Variants in MRAP2 observed in about 807,000 individuals in gnomAD.
The protein encoded by MRAP2 is melanocortin-2 receptor accessory protein 2.
MRAP2 carries 20 observed loss-of-function variants against 17.4 expected under a neutral mutation model. That is an observed-to-expected ratio of 1.15 (90% CI 0.81 to 1.67). MRAP2 has a LOEUF of 1.67. Among genes scored for constraint, MRAP2 ranks in the 40% most tolerant of loss-of-function variants. The probability of loss-of-function intolerance (pLI) is 0.00; values close to 1 mark genes in which losing one functional copy is unlikely to be tolerated. For missense variants in MRAP2, 238 were observed against 240.0 expected (o/e 0.99, Z 0.05); for synonymous variants, 96 against 88.4 (o/e 1.09, Z -0.48).
At chr6:84,080,552 C>G (rs6934500) in intron 3 of MRAP2, among the ~76,000 whole-genome samples, 18,624 of 152,100 alleles carry the variant, frequency 0.12, 1,225 homozygotes, top group Middle Eastern at 0.22. Flanking sequence ...GTGTCAAAAG[C>G]CTTTTAGCCA....
In MRAP2 at chr6:84,089,084, T is replaced by A. The variant is rs2099501186; in HGVS notation, c.228-7T>A. ...TAAGCAGTCTTTTATTTTCTTTTTT[T>A]AAATAGCAATGCAGAGTCCTCAGAG... is the stretch of plus-strand genomic sequence containing the variant. On this transcript the variant is annotated splice_region_variant and splice_polypyrimidine_tract_variant and intron_variant, in intron 3 of 3. Transcript: ENST00000257776. 2.5e-6 allele frequency: 4 copies of A among 1,591,416 alleles called. No homozygotes were observed. The highest frequency in any genetic ancestry group is 2.3e-5 in the South Asian group (2 of 88,364).
At chr6:84,121,590 G>A in the MRAP2 span, among the ~76,000 whole-genome samples, 93 of 152,186 alleles carry the variant, frequency 6.1e-4, 2 homozygotes, top group East Asian at 0.017. Context: ...GTTGTAGTGA[G>A]CCGAGATTAC....
chr6:84,071,793 A>G (rs747747595), intron 3 of MRAP2, among the ~76,000 whole-genome samples: 4 of 151,764 alleles, frequency 2.6e-5, no homozygotes, highest in Non-Finnish European at 4.4e-5. Flanking sequence ...TTCTTTTTCA[A>G]TGTGTTGGAT....
the MRAP2 span, among the ~76,000 whole-genome samples, chr6:84,122,412 AAGG>A: frequency 6.6e-6 from 1 of 150,874 alleles, no homozygotes; most frequent in Non-Finnish European, 1.5e-5. Context: ...CTAGGTATGT[AAGG>A]AGGATGATTC....
chr6:84,085,730 G>C (rs1378361206), intron 3 of MRAP2, among the ~76,000 whole-genome samples: 2 of 152,156 alleles, frequency 1.3e-5, no homozygotes, highest in African/African-American at 4.8e-5. Flanking sequence ...GAACTCACCA[G>C]AAAAGACATG....
intron 3 of MRAP2, among the ~76,000 whole-genome samples, chr6:84,065,614 G>T (rs567357634): frequency 4.6e-5 from 7 of 152,340 alleles, no homozygotes; most frequent in African/African-American, 1.7e-4. Context: ...ATGGAGTTTT[G>T]TGGGTTATTG....
intron 2 of MRAP2, chr6:84,061,888 A>G (rs1194134818): frequency 1.0e-6 from 1 of 985,314 alleles, no homozygotes; most frequent in Non-Finnish European, 1.2e-6. Context: ...AAAGTGGGTC[A>G]GTTCTGTTTT....
At chr6:84,133,957 T>C in the MRAP2 span, among the ~76,000 whole-genome samples, 10 of 152,168 alleles carry the variant, frequency 6.6e-5, no homozygotes, top group Non-Finnish European at 8.8e-5. Context: ...CTAGGAGCTG[T>C]AGACTGGAGC....
intron 1 of MRAP2, among the ~76,000 whole-genome samples, chr6:84,054,697 T>C (rs2099491261): frequency 6.6e-6 from 1 of 152,208 alleles, no homozygotes; most frequent in African/African-American, 2.4e-5. Flanking sequence ...ATTTGATTAC[T>C]TCTCCTGAAC....
At chr6:84,144,678 A>C in the MRAP2 span, among the ~76,000 whole-genome samples, 1 of 152,110 alleles carries the variant, frequency 6.6e-6, no homozygotes, top group Non-Finnish European at 1.5e-5. Flanking sequence ...GGTTCACAGA[A>C]GTGCTAACCC....
rs78755723 is a variant in MRAP2, at chr6:84,088,449, A to G, written c.228-642A>G. On this transcript the variant is annotated intron_variant, in intron 3 of 3. Transcript: ENST00000257776. ...GGTTTTATTCCCACTCATACCACAAACTGATTGTGTGACTAAGTGGGCAAT... is the reference window on the plus strand; with the variant it reads ...GGTTTTATTCCCACTCATACCACAAGCTGATTGTGTGACTAAGTGGGCAAT... 5.0e-3 allele frequency among the ~76,000 whole-genome samples: 767 copies of G among 152,266 alleles called. 7 individuals carry two copies. Among genetic ancestry groups the G allele is most frequent in the African/African-American group, 0.018 (733 of 41,530 alleles).
the MRAP2 span, chr6:84,125,269 T>TAA: frequency 6.2e-7 from 1 of 1,612,642 alleles, no homozygotes; most frequent in African/African-American, 1.3e-5. Context: ...GTGTGTTTGC[T>TAA]GTATTATCTG....
chr6:84,109,993 G>A, the MRAP2 span, among the ~76,000 whole-genome samples: 3 of 152,218 alleles, frequency 2.0e-5, no homozygotes, highest in Non-Finnish European at 2.9e-5. Context: ...GCTTTATCCA[G>A]TCTAACATTG....
chr6:84,110,301 A>G, the MRAP2 span, among the ~76,000 whole-genome samples: 1 of 152,204 alleles, frequency 6.6e-6, no homozygotes, highest in Non-Finnish European at 1.5e-5. Flanking sequence ...ATGAGATGGT[A>G]TCTCATTGTG....
At chr6:84,109,763 C>T in the MRAP2 span, among the ~76,000 whole-genome samples, 3 of 151,760 alleles carry the variant, frequency 2.0e-5, no homozygotes, top group African/African-American at 7.3e-5. Context: ...CCCCCCACCC[C>T]CCGACAGGTC....
the MRAP2 span, among the ~76,000 whole-genome samples, chr6:84,134,919 T>TACACACACACACACACACAC: frequency 6.7e-6 from 1 of 148,256 alleles, no homozygotes; most frequent in African/African-American, 2.5e-5. Context: ...AGATCATATA[T>TACACACACACACACACACAC]ACACACACAC....
intron 2 of MRAP2, among the ~76,000 whole-genome samples, chr6:84,056,679 G>C (rs1371627158): frequency 2.6e-5 from 4 of 152,118 alleles, no homozygotes; most frequent in Admixed American, 2.6e-4. Flanking sequence ...TGCTTGTTCT[G>C]AATTATAGTG....
intron 3 of MRAP2, among the ~76,000 whole-genome samples, chr6:84,078,041 G>A (rs1243073905): frequency 6.6e-6 from 1 of 152,174 alleles, no homozygotes; most frequent in African/African-American, 2.4e-5. Flanking sequence ...GGCCAACATG[G>A]TTAGAAGAAA....
chr6:84,055,361 T>C lies in MRAP2; in HGVS notation c.43T>C (p.Ser15Pro). The stretch of plus-strand genomic sequence containing the variant: ...AATTTCTAACAGAACCTCCCAGCAA[T>C]CGGCATCTAATTCTGATTACACCTG... ...RLISNRTSQQ[S>P]ASNSDYTWEY... Residue 15 changes from serine (S) to proline (P), a missense_variant, in exon 2 of 4, where the codon TCG becomes CCG. Transcript: ENST00000257776. The C allele has an allele frequency of 6.2e-7, 1 of 1,613,854 alleles. No individual in the cohort carries two copies. Among genetic ancestry groups the C allele is most frequent in the Non-Finnish European group, 8.5e-7 (1 of 1,179,942 alleles).
Sources: allele counts gnomAD v4.1 joint callset (sites outside exome capture counted in the v4.1 genomes callset), GRCh38; gene constraint gnomAD v4.1.1; transcripts MANE v1.5; gene names NCBI Gene and HGNC (gene_info 2026-07-23, HGNC 2026-07-21).